The following RHBDL2 variants were observed in gnomAD, a reference collection of about 807,000 sequenced individuals.
The protein encoded by RHBDL2 is rhomboid-related protein 2.
A neutral mutation model predicts 31.7 loss-of-function variants in RHBDL2; 26 were observed. The ratio of observed to expected loss-of-function variants is 0.82; its 90% CI spans 0.60 to 1.14. The LOEUF (loss-of-function observed/expected upper bound fraction) is 1.14, where lower values mean the gene tolerates loss of function less well. Among genes scored for constraint, RHBDL2 ranks in the 50% most tolerant of loss-of-function variants. The probability of loss-of-function intolerance (pLI) is 0.00; values close to 1 mark genes in which losing one functional copy is unlikely to be tolerated. For missense variants in RHBDL2, 336 were observed against 364.4 expected, an observed-to-expected ratio of 0.92 and a Z score of 0.63; for synonymous variants, 123 against 127.2, an observed-to-expected ratio of 0.97 and a Z score of 0.22.
At position 38,929,513 on chromosome 1, in the gene RHBDL2, A is replaced by G. The variant is rs912619152; in HGVS notation, c.-125-10176T>C. The stretch of plus-strand genomic sequence containing the variant: ...TGTGCCGCTTGCCTAGCTGCATTCA[A>G]ACAGGGAGGTTTTAAATATCTGAAT... On this transcript the variant is annotated intron_variant, in intron 1 of 7. Transcript: ENST00000372990. 1.4e-5 allele frequency: 18 copies of G among 1,289,424 alleles called. No homozygotes were observed. In the African/African-American group the frequency reaches 1.7e-4, roughly 12 times the overall value. 79.9% of individuals were successfully genotyped at this position (1,289,424 alleles called of 1,614,324 possible). A position where few individuals can be genotyped will look rare whatever the true frequency, so the allele number is the denominator to read the frequency against.
At chr1:38,899,825 C>A (rs1642966839) in intron 4 of RHBDL2, among the ~76,000 whole-genome samples, 1 of 152,188 alleles carries the variant, frequency 6.6e-6, no homozygotes, top group Non-Finnish European at 1.5e-5. Flanking sequence ...GTCCTGCAAT[C>A]TCATGGCCAG....
rs34194396 is a variant in RHBDL2, at chr1:38,934,957, CAAA to C, written c.-126+6722_-126+6724del. ...TGGGTGACAAAGCTAGGCTCAGTCG[CAAA>C]AAAAAAAAAAATTTTTTTAAAGAAG... On this transcript the variant is annotated intron_variant, in intron 1 of 7. Coordinates refer to ENST00000372990, the MANE Select transcript of RHBDL2 (RefSeq NM_017821.5). Among the ~76,000 whole-genome samples the C allele has an allele frequency of 1.9e-3, 281 of 148,594 alleles. 2 individuals are homozygous for C. Among genetic ancestry groups the C allele is most frequent in the Non-Finnish European group, 7.1e-4 (48 of 67,212 alleles).
In RHBDL2 at chr1:38,886,450, T is replaced by A; in HGVS notation, c.*54A>T. On this transcript the variant is annotated 3_prime_UTR_variant, in exon 8 of 8. Transcript: ENST00000372990. Reference sequence around the variant, plus strand: ...GTTTCTTCATAGAGTCTTCCTTTTTTTTTTATTTCCTCCAGATGGCTCTTT... The same window carrying A: ...GTTTCTTCATAGAGTCTTCCTTTTTATTTTATTTCCTCCAGATGGCTCTTT... 1 of 1,341,418 alleles carries A rather than the reference T, an allele frequency of 7.5e-7. No individual in the cohort carries two copies. Among genetic ancestry groups the A allele is most frequent in the Non-Finnish European group, 1.0e-6 (1 of 1,000,742 alleles). The allele number at this position is 1,341,418 out of a possible 1,614,324, so 83.1% of individuals were successfully genotyped here.
At chr1:38,931,363 T>A (rs1643436795) in intron 1 of RHBDL2, among the ~76,000 whole-genome samples, 1 of 151,616 alleles carries the variant, frequency 6.6e-6, no homozygotes, top group Non-Finnish European at 1.5e-5. Flanking sequence ...CTACTAAAAA[T>A]ACAAAAAATT....
At chr1:38,911,269 T>G in intron 4 of RHBDL2, 53 bp downstream of exon 4, 4 of 1,239,234 alleles carry the variant, frequency 3.2e-6, no homozygotes, top group Non-Finnish European at 4.7e-6. Context: ...TTCATTTGCT[T>G]TTAATCCTAA....
Position 38,893,171 on chromosome 1 carries a change from G to T in RHBDL2, c.663C>A (p.Ile221=). The T allele has an allele frequency of 6.4e-7, 1 of 1,559,026 alleles. No individual in the cohort carries two copies. The highest frequency in any genetic ancestry group is 8.8e-7 in the Non-Finnish European group (1 of 1,130,930). Residue 221 remains isoleucine, a synonymous_variant, in exon 6 of 8, where the codon ATC becomes ATA. Transcript: ENST00000372990. ...TTCACAAAACACACTTACTTATCAG[G>T]ATGATGATCAGCAGTCTGAAAATTC... ...AFGIFRLLII[I]LIIVLDMGFA... is the part of the protein sequence containing the mutation.
intron 4 of RHBDL2, among the ~76,000 whole-genome samples, chr1:38,907,539 T>A (rs1001862452): frequency 2.0e-5 from 3 of 148,674 alleles, no homozygotes; most frequent in Non-Finnish European, 4.5e-5. Flanking sequence ...CAACTCTGTC[T>A]CAAAATAAAT....
intron 2 of RHBDL2, among the ~76,000 whole-genome samples, chr1:38,917,017 CTTTTTT>C (rs547654933): frequency 8.3e-6 from 1 of 119,900 alleles, no homozygotes; most frequent in Admixed American, 9.1e-5. Context: ...CAGGAACTTT[CTTTTTT>C]TTTTTTTTTT....
At chr1:38,906,600 G>A (rs1042090951) in intron 4 of RHBDL2, among the ~76,000 whole-genome samples, 1 of 152,050 alleles carries the variant, frequency 6.6e-6, no homozygotes, top group African/African-American at 2.4e-5. Context: ...CATGAACCTG[G>A]GAGGTGGAGC....
chr1:38,932,044 T>C (rs2124353416), intron 1 of RHBDL2, among the ~76,000 whole-genome samples: 1 of 152,254 alleles, frequency 6.6e-6, no homozygotes, highest in Admixed American at 6.5e-5. Flanking sequence ...AACAGCTATG[T>C]GGTCCCCACT....
intron 1 of RHBDL2, among the ~76,000 whole-genome samples, chr1:38,927,234 T>C (rs957979166): frequency 1.3e-5 from 2 of 152,150 alleles, no homozygotes; most frequent in African/African-American, 4.8e-5. Context: ...GAGACCATCC[T>C]GGCTAACATG....
intron 4 of RHBDL2, among the ~76,000 whole-genome samples, chr1:38,907,908 A>G (rs1300816833): frequency 2.6e-5 from 4 of 152,180 alleles, no homozygotes; most frequent in African/African-American, 9.7e-5. Flanking sequence ...AAAATTTAAA[A>G]TTCATGTTCT....
intron 4 of RHBDL2, among the ~76,000 whole-genome samples, chr1:38,903,833 C>T (rs1209551640): frequency 6.6e-6 from 1 of 152,064 alleles, no homozygotes; most frequent in African/African-American, 2.4e-5. Flanking sequence ...ACTACAGTAA[C>T]CAAGATATGT....
chr1:38,920,607 C>CTTTTTTTTTTTTT (rs547790628), intron 1 of RHBDL2, among the ~76,000 whole-genome samples: 1 of 129,050 alleles, frequency 7.7e-6, no homozygotes, highest in East Asian at 2.3e-4. Flanking sequence ...CAAGTTTTCT[C>CTTTTTTTTTTTTT]TTTTTTTTTT....
rs1339399393 is a variant in RHBDL2, at chr1:38,901,612, G to T, written c.509-5543C>A. On this transcript the variant is annotated intron_variant, in intron 4 of 7. Coordinates refer to ENST00000372990, the MANE Select transcript of RHBDL2 (RefSeq NM_017821.5). ...GCACTTTGGGAGGCCGAGGCCAGTG[G>T]ATCACCTGAGGTCAGGAGTCTGAGA... 2.0e-5 allele frequency among the ~76,000 whole-genome samples: 3 copies of T among 151,958 alleles called. No individual in the cohort carries two copies. In the East Asian group the frequency reaches 5.8e-4, roughly 29 times the overall value.
chr1:38,934,087 C>T (rs1019079987), intron 1 of RHBDL2, among the ~76,000 whole-genome samples: 1 of 152,084 alleles, frequency 6.6e-6, no homozygotes, highest in Admixed American at 6.6e-5. Flanking sequence ...GTGGCTGACG[C>T]ATATAATCCC....
intron 1 of RHBDL2, chr1:38,926,251 G>C: frequency 9.4e-7 from 1 of 1,059,628 alleles, no homozygotes; most frequent in Non-Finnish European, 1.1e-6. Flanking sequence ...CCAGTGTCCA[G>C]ACGCCTTGCC....
At chr1:38,915,409 C>G (rs892633674) in intron 3 of RHBDL2, 153 bp downstream of exon 3, 20 of 701,222 alleles carry the variant, frequency 2.9e-5, no homozygotes, top group Non-Finnish European at 4.7e-5. Context: ...ATGCCTCAGA[C>G]ATAAAACAGT....
intron 1 of RHBDL2, among the ~76,000 whole-genome samples, chr1:38,929,772 C>A (rs1300702874): frequency 6.6e-6 from 1 of 152,154 alleles, no homozygotes; most frequent in Non-Finnish European, 1.5e-5. Flanking sequence ...AGCTTAGCAG[C>A]CTCCTTCATC....
Sources: allele counts gnomAD v4.1 joint callset (sites outside exome capture counted in the v4.1 genomes callset), GRCh38; gene constraint gnomAD v4.1.1; transcripts MANE v1.5; gene names NCBI Gene and HGNC (gene_info 2026-07-23, HGNC 2026-07-21).